KCNB2: variants seen among roughly 807,000 people sequenced by gnomAD.
KCNB2 encodes the protein potassium voltage-gated channel subfamily B member 2, also known as delayed rectifier potassium channel protein.
A neutral mutation model predicts 61.5 loss-of-function variants in KCNB2; 15 were observed. The observed-to-expected ratio is 0.24, with a 90% confidence interval of 0.16 to 0.38. The LOEUF (loss-of-function observed/expected upper bound fraction) is 0.38, where lower values mean the gene tolerates loss of function less well. Among genes scored for constraint, KCNB2 ranks in the 10% least tolerant of loss-of-function variants. The pLI, the probability that KCNB2 is intolerant of heterozygous loss-of-function variation, is 1.00. For missense variants in KCNB2, 828 were observed against 1,125.2 expected, an observed-to-expected ratio of 0.74 and a Z score of 3.78; for synonymous variants, 457 against 446.0, an observed-to-expected ratio of 1.02 and a Z score of -0.31.
At chr8:72,721,689 T>G (rs1185438073) in intron 2 of KCNB2, among the ~76,000 whole-genome samples, 1 of 152,106 alleles carries the variant, frequency 6.6e-6, no homozygotes, top group African/African-American at 2.4e-5. Flanking sequence ...ACCATCATTC[T>G]CATTTAACAA....
At chr8:72,666,981 A>G (rs1028678359) in intron 2 of KCNB2, among the ~76,000 whole-genome samples, 2 of 131,568 alleles carry the variant, frequency 1.5e-5, no homozygotes. Flanking sequence ...TTTTTTCCAC[A>G]TAAGTGTGTG....
chr8:72,612,252 T>TA (rs1313388838), intron 2 of KCNB2, among the ~76,000 whole-genome samples: 1 of 152,188 alleles, frequency 6.6e-6, no homozygotes, highest in Non-Finnish European at 1.5e-5. Context: ...TTTATTGTTC[T>TA]AAAATCAAAG....
chr8:72,655,431 A>C (rs757317616), intron 2 of KCNB2, among the ~76,000 whole-genome samples: 16 of 152,092 alleles, frequency 1.1e-4, no homozygotes, highest in Non-Finnish European at 2.1e-4. Flanking sequence ...CCCTGAACCT[A>C]AAATAACTGT....
intron 1 of KCNB2, among the ~76,000 whole-genome samples, chr8:72,559,078 C>T (rs769432302): frequency 1.3e-5 from 2 of 151,940 alleles, no homozygotes; most frequent in African/African-American, 4.8e-5. Flanking sequence ...AAATATAGAC[C>T]TTGAAGTCTT....
rs550230224 is a variant in KCNB2 at position 72,581,923 on chromosome 8, G to A, written c.579+13610G>A. Among the ~76,000 whole-genome samples the A allele has an allele frequency of 2.0e-5, 3 of 152,270 alleles. No homozygotes were observed. In the South Asian group the frequency reaches 6.2e-4, roughly 32 times the overall value. ...ATAGGTAAAGTGTAGCCTTTGTGTGGAGGAGAGCTTGATCTGACCCCCAGG... is the reference window on the plus strand; with the variant it reads ...ATAGGTAAAGTGTAGCCTTTGTGTGAAGGAGAGCTTGATCTGACCCCCAGG... On this transcript the variant is annotated intron_variant, in intron 2 of 2. Coordinates refer to ENST00000523207, the MANE Select transcript of KCNB2 (RefSeq NM_004770.3).
chr8:72,799,957 A>G (rs940473787), intron 2 of KCNB2, among the ~76,000 whole-genome samples: 7 of 152,168 alleles, frequency 4.6e-5, no homozygotes, highest in African/African-American at 1.4e-4. Flanking sequence ...TCCCTGGTCC[A>G]TGTGCAAAAG....
At chr8:72,786,197 C>T (rs1050870258) in intron 2 of KCNB2, among the ~76,000 whole-genome samples, 9 of 152,042 alleles carry the variant, frequency 5.9e-5, no homozygotes, top group African/African-American at 2.2e-4. Context: ...TATAATTTGA[C>T]CTAGCCGTAT....
intron 2 of KCNB2, among the ~76,000 whole-genome samples, chr8:72,860,538 A>G (rs911457761): frequency 6.6e-6 from 1 of 152,228 alleles, no homozygotes; most frequent in South Asian, 2.1e-4. Flanking sequence ...ATACCAGGTA[A>G]TGGGCAGAGT....
chr8:72,825,369 A>T (rs1809580770), intron 2 of KCNB2, among the ~76,000 whole-genome samples: 1 of 152,206 alleles, frequency 6.6e-6, no homozygotes. Flanking sequence ...GTGTACAAAT[A>T]ACTCTTTGAA....
chr8:72,546,323 G>A (rs890857698), intron 1 of KCNB2, among the ~76,000 whole-genome samples: 2 of 152,038 alleles, frequency 1.3e-5, no homozygotes, highest in African/African-American at 2.4e-5. Context: ...AGACCAGCCC[G>A]GCCAACTTGA....
At chr8:72,717,115 G>A (rs889807055) in intron 2 of KCNB2, among the ~76,000 whole-genome samples, 6 of 152,214 alleles carry the variant, frequency 3.9e-5, no homozygotes, top group East Asian at 1.9e-4. Flanking sequence ...GGGATGTGAA[G>A]GACCTCTTCA....
At chr8:72,753,011 A>C (rs969691028) in intron 2 of KCNB2, among the ~76,000 whole-genome samples, 1 of 152,200 alleles carries the variant, frequency 6.6e-6, no homozygotes, top group African/African-American at 2.4e-5. Flanking sequence ...CAGTCTATGA[A>C]TCAAAATGTT....
At chr8:72,774,879 C>T (rs1436093799) in intron 2 of KCNB2, among the ~76,000 whole-genome samples, 1 of 151,994 alleles carries the variant, frequency 6.6e-6, no homozygotes, top group Non-Finnish European at 1.5e-5. Flanking sequence ...CCGTGTAGCT[C>T]AGGAATGAAA....
intron 2 of KCNB2, among the ~76,000 whole-genome samples, chr8:72,635,044 G>A (rs142653589): frequency 3.0e-3 from 462 of 152,302 alleles, no homozygotes; most frequent in Middle Eastern, 6.8e-3. Context: ...AGCAGGTGTG[G>A]TCTGAATGTG....
intron 2 of KCNB2, among the ~76,000 whole-genome samples, chr8:72,892,271 G>A (rs1007855406): frequency 1.3e-5 from 2 of 152,064 alleles, no homozygotes; most frequent in African/African-American, 4.8e-5. Context: ...GTAAGAAGGG[G>A]GAGATAACAA....
At chr8:72,659,540 T>TATCAA (rs2128987153) in intron 2 of KCNB2, among the ~76,000 whole-genome samples, 1 of 152,384 alleles carries the variant, frequency 6.6e-6, no homozygotes, top group Admixed American at 6.5e-5. Context: ...GATAAAATGC[T>TATCAA]ATCAACAGCA....
At chr8:72,611,430 ACCC>A (rs998504441) in intron 2 of KCNB2, among the ~76,000 whole-genome samples, 1 of 152,098 alleles carries the variant, frequency 6.6e-6, no homozygotes. Flanking sequence ...GGTATTTGTG[ACCC>A]CAGCACACTA....
intron 2 of KCNB2, among the ~76,000 whole-genome samples, chr8:72,817,655 A>G (rs1373948314): frequency 1.3e-5 from 2 of 152,132 alleles, no homozygotes; most frequent in Non-Finnish European, 2.9e-5. Flanking sequence ...CATTTCTTTC[A>G]GTAACTTTCT....
intron 2 of KCNB2, among the ~76,000 whole-genome samples, chr8:72,926,424 T>C (rs973087160): frequency 6.6e-6 from 1 of 152,212 alleles, no homozygotes; most frequent in Admixed American, 6.5e-5. Flanking sequence ...TTTCATTTTA[T>C]CATTTCTTTT....
Sources: gnomAD v4.1 joint callset for allele counts (sites outside exome capture counted in the v4.1 genomes callset) on GRCh38, gnomAD v4.1.1 for gene constraint, MANE v1.5 for transcripts, NCBI Gene and HGNC (gene_info 2026-07-23, HGNC 2026-07-21) for gene names.